Variants in FAM222A observed in about 807,000 individuals in gnomAD.
FAM222A encodes the protein protein FAM222A.
A neutral mutation model predicts 25.8 loss-of-function variants in FAM222A; 7 were observed. That is an observed-to-expected ratio of 0.27 (90% CI 0.15 to 0.51). FAM222A has a LOEUF of 0.51. FAM222A is among the 20% of genes least tolerant of loss of function. FAM222A has a pLI of 0.97. For synonymous variants in FAM222A, 294 were observed against 298.8 expected (o/e 0.98, Z 0.17); for missense variants, 573 against 640.5 (o/e 0.89, Z 1.14).
At chr12:109,767,062 CTTTTTTTTTTT>C (rs757766627) in intron 2 of FAM222A, among the ~76,000 whole-genome samples, 2 of 93,068 alleles carry the variant, frequency 2.1e-5, no homozygotes, top group African/African-American at 8.6e-5. Flanking sequence ...TGCTTGGCTT[CTTTTTTTTTTT>C]TTTTTTTTTT....
intron 1 of FAM222A, among the ~76,000 whole-genome samples, chr12:109,743,008 T>C (rs1467569492): frequency 1.3e-5 from 2 of 152,310 alleles, no homozygotes; most frequent in East Asian, 3.9e-4. Context: ...TCTTCTTCTT[T>C]TTTAAAACCA....
chr12:109,753,621 A>T (rs1326189728), intron 2 of FAM222A, among the ~76,000 whole-genome samples: 1 of 151,960 alleles, frequency 6.6e-6, no homozygotes, highest in South Asian at 2.1e-4. Context: ...TCCACCACCC[A>T]TATTGCTCGT....
At chr12:109,739,363 C>G (rs544472430) in intron 1 of FAM222A, among the ~76,000 whole-genome samples, 21 of 152,356 alleles carry the variant, frequency 1.4e-4, no homozygotes, top group East Asian at 5.8e-4. Context: ...CTAGATGTTC[C>G]TTTCTGGCAG....
intron 2 of FAM222A, among the ~76,000 whole-genome samples, chr12:109,749,648 T>A (rs1888506013): frequency 1.3e-5 from 2 of 152,222 alleles, no homozygotes; most frequent in South Asian, 4.1e-4. Flanking sequence ...ATATCCTTAC[T>A]TACCTGTCAT....
rs557035403 is a variant in FAM222A, at chr12:109,749,435, G to GT, written c.82+5213dup. On this transcript the variant is annotated intron_variant, in intron 2 of 2. Transcript: ENST00000538780. Reference sequence around the variant, plus strand: ...GTTTTACTTCTAGGGTGGTGGTAGTGTTTTTTATGATCAGAGAATCTTGTC... The same window carrying GT: ...GTTTTACTTCTAGGGTGGTGGTAGTGTTTTTTTATGATCAGAGAATCTTGTC... Among the ~76,000 whole-genome samples the GT allele has an allele frequency of 2.6e-3, 389 of 152,220 alleles. 1 individual carries two copies. The highest frequency in any genetic ancestry group is 9.2e-3 in the African/African-American group (383 of 41,542).
chr12:109,766,971 C>G (rs1344258508), intron 2 of FAM222A, among the ~76,000 whole-genome samples: 1 of 151,744 alleles, frequency 6.6e-6, no homozygotes, highest in Non-Finnish European at 1.5e-5. Context: ...TCACAGCTCA[C>G]TGTAGCCTCC....
At chr12:109,718,221 G>A (rs930904410) in intron 1 of FAM222A, among the ~76,000 whole-genome samples, 1 of 152,320 alleles carries the variant, frequency 6.6e-6, no homozygotes, top group East Asian at 1.9e-4. Flanking sequence ...TGGAGCCAAA[G>A]GTTGAAGACC....
At position 109,728,416 on chromosome 12, in the gene FAM222A, C is replaced by T. The variant is rs554677964; in HGVS notation, c.-47+13519C>T. Among the ~76,000 whole-genome samples, 3 of 152,302 alleles carry T rather than the reference C, an allele frequency of 2.0e-5. No individual in the cohort carries two copies. The South Asian group carries it at 6.2e-4, about 32-fold the overall frequency. On this transcript the variant is annotated intron_variant, in intron 1 of 2. Coordinates refer to ENST00000538780, the MANE Select transcript of FAM222A (RefSeq NM_032829.3). Reference sequence around the variant, plus strand: ...TAGTCTCTTCCTAATCCCCACTTTGCCTCGTCTGTAGAAGGCCACTATAGA... The same window carrying T: ...TAGTCTCTTCCTAATCCCCACTTTGTCTCGTCTGTAGAAGGCCACTATAGA...
intron 2 of FAM222A, among the ~76,000 whole-genome samples, chr12:109,760,350 G>A (rs973883924): frequency 3.9e-5 from 6 of 152,122 alleles, no homozygotes; most frequent in Non-Finnish European, 2.9e-5. Flanking sequence ...GTGAGGCTCC[G>A]GTTATGGAGG....
intron 2 of FAM222A, among the ~76,000 whole-genome samples, chr12:109,760,826 T>C (rs562879300): frequency 3.3e-4 from 50 of 152,226 alleles, no homozygotes; most frequent in African/African-American, 1.1e-3. Context: ...ACGCCATGTG[T>C]GGTTCCAGGG....
chr12:109,759,007 G>A (rs1415230303), intron 2 of FAM222A, among the ~76,000 whole-genome samples: 1 of 152,218 alleles, frequency 6.6e-6, no homozygotes, highest in East Asian at 1.9e-4. Flanking sequence ...ATGGGAAGGC[G>A]AGAATTTGCT....
chr12:109,758,649 C>T (rs1301848400), intron 2 of FAM222A, among the ~76,000 whole-genome samples: 2 of 152,176 alleles, frequency 1.3e-5, no homozygotes, highest in African/African-American at 2.4e-5. Context: ...CGTCCCTGCC[C>T]CCACTCCTGG....
At chr12:109,755,513 A>G (rs1888700959) in intron 2 of FAM222A, among the ~76,000 whole-genome samples, 1 of 152,052 alleles carries the variant, frequency 6.6e-6, no homozygotes, top group African/African-American at 2.4e-5. Context: ...TTTTTAGTAC[A>G]GACACGGTTT....
chr12:109,723,241 G>A (rs1349764695), intron 1 of FAM222A, among the ~76,000 whole-genome samples: 3 of 152,138 alleles, frequency 2.0e-5, no homozygotes, highest in Admixed American at 1.3e-4. Flanking sequence ...CAGCAGAAGC[G>A]CAGGCCCTTG....
intron 1 of FAM222A, among the ~76,000 whole-genome samples, chr12:109,741,524 G>A (rs1318169658): frequency 1.3e-5 from 2 of 152,160 alleles, no homozygotes; most frequent in African/African-American, 2.4e-5. Context: ...CAGAATAGGC[G>A]ACCTGCCCCT....
At chr12:109,721,984 G>A (rs1002344038) in intron 1 of FAM222A, among the ~76,000 whole-genome samples, 61 of 152,254 alleles carry the variant, frequency 4.0e-4, no homozygotes, top group South Asian at 4.0e-3. Context: ...TTGGGTGGCC[G>A]AGCTGGCATT....
Position 109,768,913 on chromosome 12 carries a change from C to A in FAM222A, c.984C>A (p.Pro328=). 1 of 1,582,228 alleles carries A rather than the reference C, an allele frequency of 6.3e-7. No homozygotes were observed. ...CATACGAGCGGGCCAGCGGGTCACC[C>A]CTCAACTGTGGCGTGGGGCTGCCCA... ...GRAYERASGS[P]LNCGVGLPTS... The change falls in exon 3 of 3, where the codon CCC becomes CCA. Residue 328 remains proline (P), a synonymous_variant. Transcript: ENST00000538780.
intron 1 of FAM222A, among the ~76,000 whole-genome samples, chr12:109,717,268 C>T (rs1887662764): frequency 6.6e-6 from 1 of 152,232 alleles, no homozygotes; most frequent in South Asian, 2.1e-4. Context: ...CCCTCACCCC[C>T]AGGACTCCTT....
chr12:109,761,921 A>C (rs899730544), intron 2 of FAM222A, among the ~76,000 whole-genome samples: 2 of 151,390 alleles, frequency 1.3e-5, no homozygotes, highest in African/African-American at 4.9e-5. Context: ...GTGCACTCCC[A>C]CCTCTCCAGC....
Sources: gnomAD v4.1 joint callset for allele counts (sites outside exome capture counted in the v4.1 genomes callset) on GRCh38, gnomAD v4.1.1 for gene constraint, MANE v1.5 for transcripts, NCBI Gene and HGNC (gene_info 2026-07-23, HGNC 2026-07-21) for gene names.